The following GRM8 variants were observed in gnomAD, a reference collection of about 807,000 sequenced individuals.
The protein encoded by GRM8 is glutamate metabotropic receptor 8.
GRM8 carries 47 observed loss-of-function variants against 87.2 expected under a neutral mutation model. The observed-to-expected ratio is 0.54, with a 90% CI of 0.43 to 0.69. The LOEUF is 0.69. Ranked by LOEUF, GRM8 falls within the 30% of genes least tolerant of loss-of-function variation. GRM8 has a pLI of 0.00. For missense variants in GRM8, 1,019 were observed against 1,139.2 expected (o/e 0.89, Z 1.52); for synonymous variants, 396 against 404.5 (o/e 0.98, Z 0.25).
Position 126,533,388 on chromosome 7 carries a change from G to T in GRM8, c.1994C>A (p.Ala665Asp). 1 of 1,613,926 alleles carries T rather than the reference G, an allele frequency of 6.2e-7. No individual in the cohort carries two copies. The highest frequency in any genetic ancestry group is 8.5e-7 in the Non-Finnish European group (1 of 1,179,942). The part of the protein sequence containing the change: ...LGLGMCFSYA[A>D]LLTKTNRIHR... Reference sequence around the variant, plus strand: ...GATACGGTTTGTTTTGGTCAGAAGGGCTGCATAGCTGAAACACATGCCAAG... The same window carrying T: ...GATACGGTTTGTTTTGGTCAGAAGGTCTGCATAGCTGAAACACATGCCAAG... The change falls in exon 9 of 11, where the codon GCC (alanine) becomes GAC (aspartate). Residue 665 changes from alanine (A) to aspartate (D), a missense_variant. Ala to Asp is a moderately radical substitution (Grantham distance 126). Transcript: ENST00000339582.
intron 9 of GRM8, among the ~76,000 whole-genome samples, chr7:126,521,231 A>G (rs755282770): frequency 7.0e-4 from 107 of 152,318 alleles, no homozygotes; most frequent in Non-Finnish European, 1.2e-3. Context: ...CAAAAAGGTT[A>G]TAGAGGAAGC....
At chr7:127,064,191 C>T (rs182983448) in intron 3 of GRM8, among the ~76,000 whole-genome samples, 164 of 152,042 alleles carry the variant, frequency 1.1e-3, no homozygotes, top group African/African-American at 3.4e-3. Flanking sequence ...TAATTTTCTG[C>T]CTTGATGAAC....
rs1312643660 is a variant in GRM8 at position 127,189,003 on chromosome 7, G to A, written c.510+53692C>T. Among the ~76,000 whole-genome samples the A allele has an allele frequency of 3.3e-5, 5 of 152,096 alleles. No homozygotes were observed. In the East Asian group the frequency reaches 5.8e-4, roughly 18 times the overall value. The stretch of plus-strand genomic sequence containing the variant: ...ATCTCCCAGCTTCTTCTATTGTATC[G>A]TAAATCCAAAACTGCCATAAAAGTT... On this transcript the variant is annotated intron_variant, in intron 2 of 10. Coordinates refer to ENST00000339582, the MANE Select transcript of GRM8 (RefSeq NM_000845.3).
At chr7:126,962,269 C>G (rs1250559999) in intron 3 of GRM8, among the ~76,000 whole-genome samples, 1 of 152,104 alleles carries the variant, frequency 6.6e-6, no homozygotes, top group Non-Finnish European at 1.5e-5. Flanking sequence ...AGTGACTTGG[C>G]CAAAGTCAAA....
intron 2 of GRM8, among the ~76,000 whole-genome samples, chr7:127,132,548 G>A (rs6950264): frequency 0.64 from 96,368 of 151,632 alleles, 31,833 homozygotes; most frequent in African/African-American, 0.76. Context: ...AAATTGACAG[G>A]AGCTAATGAA....
At chr7:126,574,706 T>TC (rs1794962687) in intron 8 of GRM8, among the ~76,000 whole-genome samples, 2 of 152,358 alleles carry the variant, frequency 1.3e-5, no homozygotes, top group African/African-American at 4.8e-5. Context: ...ACATTCCACT[T>TC]CTTTTTCATT....
At chr7:126,546,213 G>A (rs564939749) in intron 8 of GRM8, among the ~76,000 whole-genome samples, 36 of 152,102 alleles carry the variant, frequency 2.4e-4, no homozygotes, top group Non-Finnish European at 3.5e-4. Context: ...TAACAACCCC[G>A]TGAGTTAAGT....
Position 126,961,023 on chromosome 7 carries a change from C to A in GRM8, c.728-56340G>T, listed in dbSNP as rs529625391. The stretch of plus-strand genomic sequence containing the variant: ...AGTTCTGCTCTTGAAAATATTCATA[C>A]ATCAAACAATTCTCCTTCTTCATTT... On this transcript the variant is annotated intron_variant, in intron 3 of 10. Transcript: ENST00000339582. Among the ~76,000 whole-genome samples, 190 of 152,252 alleles carry A rather than the reference C, an allele frequency of 1.2e-3. 1 individual carries two copies. Among genetic ancestry groups the A allele is most frequent in the African/African-American group, 4.5e-3 (185 of 41,538 alleles).
intron 2 of GRM8, among the ~76,000 whole-genome samples, chr7:127,174,110 ACATAC>A (rs1199893858): frequency 6.6e-6 from 1 of 152,184 alleles, no homozygotes; most frequent in Non-Finnish European, 1.5e-5. Context: ...TATTCATCAT[ACATAC>A]ATTTTCTATC....
intron 2 of GRM8, among the ~76,000 whole-genome samples, chr7:127,172,158 C>A (rs909154876): frequency 6.6e-6 from 1 of 152,030 alleles, no homozygotes; most frequent in Non-Finnish European, 1.5e-5. Context: ...AAACTTTATA[C>A]ATGATTTTGC....
chr7:126,628,989 C>A (rs768806651), intron 7 of GRM8, among the ~76,000 whole-genome samples: 35 of 151,862 alleles, frequency 2.3e-4, no homozygotes, highest in Non-Finnish European at 4.4e-4. Flanking sequence ...AATAATAAAT[C>A]AAATAACAAA....
chr7:127,028,178 G>A (rs1287664867), intron 3 of GRM8, among the ~76,000 whole-genome samples: 3 of 152,236 alleles, frequency 2.0e-5, no homozygotes, highest in Non-Finnish European at 2.9e-5. Flanking sequence ...TCCCAGGGAT[G>A]AAGCCAACTT....
intron 6 of GRM8, among the ~76,000 whole-genome samples, chr7:126,897,170 C>A (rs1191475004): frequency 7.2e-5 from 11 of 152,134 alleles, no homozygotes; most frequent in Non-Finnish European, 2.9e-5. Flanking sequence ...AAGGAAAAGA[C>A]CCGGCCTGAG....
intron 2 of GRM8, among the ~76,000 whole-genome samples, chr7:127,145,467 C>T (rs374690663): frequency 1.3e-5 from 2 of 152,102 alleles, no homozygotes; most frequent in Non-Finnish European, 1.5e-5. Context: ...ATTCATGCTT[C>T]GCTGTTAAAT....
chr7:127,012,821 A>G (rs1684070704), intron 3 of GRM8, among the ~76,000 whole-genome samples: 1 of 152,134 alleles, frequency 6.6e-6, no homozygotes, highest in South Asian at 2.1e-4. Context: ...TTGCTTCAGG[A>G]AAAAGAAAAA....
At chr7:126,637,829 G>C (rs1802010701) in intron 7 of GRM8, among the ~76,000 whole-genome samples, 1 of 151,996 alleles carries the variant, frequency 6.6e-6, no homozygotes, top group African/African-American at 2.4e-5. Context: ...CTGCATTTCA[G>C]CAGAAGGGAT....
At chr7:126,569,031 C>G (rs1794475110) in intron 8 of GRM8, among the ~76,000 whole-genome samples, 1 of 152,076 alleles carries the variant, frequency 6.6e-6, no homozygotes, top group South Asian at 2.1e-4. Flanking sequence ...TGCTAAACAG[C>G]AGTGATTCAG....
chr7:127,026,058 G>A (rs957766631), intron 3 of GRM8, among the ~76,000 whole-genome samples: 1 of 151,850 alleles, frequency 6.6e-6, no homozygotes, highest in Non-Finnish European at 1.5e-5. Context: ...GTGTCCTTGT[G>A]TTCTCATTGT....
intron 9 of GRM8, among the ~76,000 whole-genome samples, chr7:126,529,966 T>C (rs888455809): frequency 6.6e-6 from 1 of 152,184 alleles, no homozygotes; most frequent in Non-Finnish European, 1.5e-5. Flanking sequence ...TTACAAATGA[T>C]GTTATTAAAA....
Sources: allele counts gnomAD v4.1 joint callset (sites outside exome capture counted in the v4.1 genomes callset), GRCh38; gene constraint gnomAD v4.1.1; transcripts MANE v1.5; gene names NCBI Gene and HGNC (gene_info 2026-07-23, HGNC 2026-07-21).